Variants in COL11A1 observed in about 807,000 individuals in gnomAD.
COL11A1 encodes the protein collagen type XI alpha 1 chain, also known as collagen alpha-1(XI) chain.
In COL11A1, 74 loss-of-function variants were observed where a neutral mutation model predicts 265.2. That is an observed-to-expected ratio of 0.28 (90% CI 0.23 to 0.34). The LOEUF is 0.34. Ranked by LOEUF, COL11A1 falls within the 10% of genes least tolerant of loss-of-function variation. The probability of loss-of-function intolerance (pLI) is 1.00; values close to 1 mark genes in which losing one functional copy is unlikely to be tolerated. For synonymous variants in COL11A1, 816 were observed against 727.6 expected, an observed-to-expected ratio of 1.12 and a Z score of -1.96; for missense variants, 2,165 against 2,263.6, an observed-to-expected ratio of 0.96 and a Z score of 0.88.
chr1:103,046,687 A>G (rs111481597), intron 4 of COL11A1, among the ~76,000 whole-genome samples: 26,442 of 150,762 alleles, frequency 0.18, 2,385 homozygotes, highest in Middle Eastern at 0.2. Flanking sequence ...GCCCGTGCCT[A>G]TGTCCTGAAT....
At chr1:103,007,341 T>C (rs1359217743) in intron 15 of COL11A1, among the ~76,000 whole-genome samples, 2 of 152,150 alleles carry the variant, frequency 1.3e-5, no homozygotes, top group African/African-American at 4.8e-5. Flanking sequence ...GGGATCGATA[T>C]ACATATTTTA....
intron 63 of COL11A1, 138 bp from the exon 64 acceptor site, chr1:102,883,449 T>C (rs1438396042): frequency 3.0e-6 from 2 of 673,712 alleles, no homozygotes; most frequent in East Asian, 2.7e-5. Flanking sequence ...CTTTTGGGCA[T>C]ATTGGGGTAC....
intron 4 of COL11A1, among the ~76,000 whole-genome samples, chr1:103,057,584 A>G (rs1670342543): frequency 6.6e-6 from 1 of 152,192 alleles, no homozygotes; most frequent in South Asian, 2.1e-4. Context: ...GTATTTCTTA[A>G]ATAGGAAGGC....
chr1:103,005,684 T>C (rs763896444), intron 18 of COL11A1, among the ~76,000 whole-genome samples, 154 bp downstream of exon 18: 3 of 152,198 alleles, frequency 2.0e-5, no homozygotes, highest in Non-Finnish European at 4.4e-5. Flanking sequence ...ACATGTGTAA[T>C]TTTACCTATT....
intron 46 of COL11A1, among the ~76,000 whole-genome samples, chr1:102,927,569 G>A (rs567226479): frequency 6.6e-6 from 1 of 152,164 alleles, no homozygotes; most frequent in East Asian, 1.9e-4. Flanking sequence ...CATGAACCTG[G>A]GAAGCGGAGC....
rs1332179238 is a variant in COL11A1, at chr1:102,978,692, G to GCTGTAT, written c.2754+10_2754+15dup. ...ACTAATTTTCATTTTATATTATGTG[G>GCTGTAT]CTGTATCATACGTACTCTTTCACCT... is the stretch of plus-strand genomic sequence containing the variant. On this transcript the variant is annotated intron_variant, in intron 35 of 66. Transcript: ENST00000370096. 1 of 1,612,222 alleles carries GCTGTAT rather than the reference G, an allele frequency of 6.2e-7. No individual in the cohort carries two copies. The highest frequency in any genetic ancestry group is 8.5e-7 in the Non-Finnish European group (1 of 1,178,330).
At chr1:102,978,352 C>T (rs1662703260) in intron 35 of COL11A1, among the ~76,000 whole-genome samples, 1 of 152,096 alleles carries the variant, frequency 6.6e-6, no homozygotes, top group African/African-American at 2.4e-5. Flanking sequence ...GCTGCCAGCT[C>T]TGTGAACAAA....
chr1:102,964,169 G>A (rs1248045588), intron 38 of COL11A1, among the ~76,000 whole-genome samples: 2 of 152,128 alleles, frequency 1.3e-5, no homozygotes, highest in African/African-American at 2.4e-5. Context: ...TTTGAAAGAT[G>A]TGAGGTCCTA....
chr1:103,024,962 A>C (rs541382320), intron 7 of COL11A1, among the ~76,000 whole-genome samples: 1 of 152,190 alleles, frequency 6.6e-6, no homozygotes, highest in African/African-American at 2.4e-5. Context: ...ACATGTACTT[A>C]AATATTTTCA....
intron 28 of COL11A1, among the ~76,000 whole-genome samples, chr1:102,994,437 G>C (rs996205820): frequency 6.6e-6 from 1 of 152,014 alleles, no homozygotes; most frequent in African/African-American, 2.4e-5. Flanking sequence ...TCCTGCTCCT[G>C]CTCCCAGCAC....
chr1:103,090,301 T>C (rs1447385015), intron 1 of COL11A1, among the ~76,000 whole-genome samples: 3 of 151,934 alleles, frequency 2.0e-5, no homozygotes, highest in Admixed American at 6.6e-5. Flanking sequence ...AATAAAATAA[T>C]ACAGAAGAAA....
chr1:102,932,726 C>T (rs200515022), intron 46 of COL11A1, among the ~76,000 whole-genome samples: 17,142 of 151,174 alleles, frequency 0.11, 1,053 homozygotes, highest in East Asian at 0.21. Flanking sequence ...CTTTCAGGTA[C>T]ACCAATCAGA....
intron 4 of COL11A1, among the ~76,000 whole-genome samples, chr1:103,056,304 C>T (rs1044837229): frequency 2.6e-5 from 4 of 152,112 alleles, no homozygotes; most frequent in Non-Finnish European, 5.9e-5. Context: ...CAGAATTAAG[C>T]ATGTGTAACA....
At chr1:102,919,308 C>T (rs1185985227) in intron 49 of COL11A1, among the ~76,000 whole-genome samples, 1 of 149,252 alleles carries the variant, frequency 6.7e-6, no homozygotes, top group Non-Finnish European at 1.5e-5. Context: ...TACTAGAATA[C>T]AGGTGTCAAG....
At chr1:103,025,321 G>A (rs145258792) in intron 7 of COL11A1, among the ~76,000 whole-genome samples, 200 bp downstream of exon 7, 3 of 152,230 alleles carry the variant, frequency 2.0e-5, no homozygotes, top group Admixed American at 6.5e-5. Context: ...AAAGAGTCAC[G>A]CAAAACCTGA....
chr1:103,066,710 G>A (rs563402880), intron 4 of COL11A1, among the ~76,000 whole-genome samples: 1 of 152,010 alleles, frequency 6.6e-6, no homozygotes, highest in South Asian at 2.1e-4. Context: ...TGTAAATTAT[G>A]TTATTAGTTT....
intron 4 of COL11A1, among the ~76,000 whole-genome samples, chr1:103,041,718 A>G (rs1668823463): frequency 6.6e-6 from 1 of 151,992 alleles, no homozygotes; most frequent in Non-Finnish European, 1.5e-5. Context: ...AACAAAAATT[A>G]TGTTTTGGTG....
chr1:103,081,517 C>A (rs192023192), intron 2 of COL11A1, among the ~76,000 whole-genome samples: 1 of 151,550 alleles, frequency 6.6e-6, no homozygotes, highest in African/African-American at 2.4e-5. Context: ...TCATTTTATT[C>A]TTTATATTTT....
At chr1:103,012,864 T>G (rs1230434821) in intron 13 of COL11A1, among the ~76,000 whole-genome samples, 1 of 152,150 alleles carries the variant, frequency 6.6e-6, no homozygotes, top group East Asian at 1.9e-4. Flanking sequence ...TTAGCAATAT[T>G]TTAGGAAAAA....
Sources: gnomAD v4.1 joint callset for allele counts (sites outside exome capture counted in the v4.1 genomes callset) on GRCh38, gnomAD v4.1.1 for gene constraint, MANE v1.5 for transcripts, NCBI Gene and HGNC (gene_info 2026-07-23, HGNC 2026-07-21) for gene names.